The following SAMSN1 variants were observed in gnomAD, a reference collection of about 807,000 sequenced individuals.
SAMSN1 encodes the protein SAM domain-containing protein SAMSN-1.
Under a neutral mutation model 42.0 loss-of-function variants are expected in SAMSN1, and 31 were observed. That is an observed-to-expected ratio of 0.74 (90% CI 0.55 to 1.00). The LOEUF (loss-of-function observed/expected upper bound fraction) is 1.00. SAMSN1 is among the 50% of genes least tolerant of loss of function. SAMSN1 has a pLI of 0.00. For synonymous variants in SAMSN1, 178 were observed against 151.9 expected (o/e 1.17, Z -1.26); for missense variants, 464 against 439.4 (o/e 1.06, Z -0.50).
intron 2 of SAMSN1, among the ~76,000 whole-genome samples, chr21:14,576,996 G>T (rs1224984028): frequency 6.8e-6 from 1 of 147,362 alleles, no homozygotes; most frequent in Non-Finnish European, 1.5e-5. Flanking sequence ...TTAGAAATTT[G>T]AGAGGAGGAA....
upstream of SAMSN1, among the ~76,000 whole-genome samples, chr21:14,546,669 TA>T (rs35353684): frequency 0.51 from 73,769 of 145,708 alleles, 18,662 homozygotes; most frequent in East Asian, 0.78. Flanking sequence ...TTCTATTATT[TA>T]AAAAAAAAAA....
At chr21:14,577,236 GTGTA>G (rs1246032643) in intron 2 of SAMSN1, among the ~76,000 whole-genome samples, 1,243 of 30,820 alleles carry the variant, frequency 0.04, 94 homozygotes, top group East Asian at 0.068. Flanking sequence ...ATATATATGT[GTGTA>G]TATATATATA....
chr21:14,539,468 C>T (rs947928969), intron 1 of SAMSN1, among the ~76,000 whole-genome samples: 2 of 151,974 alleles, frequency 1.3e-5, no homozygotes, highest in Non-Finnish European at 2.9e-5. Context: ...AATCAGTGTG[C>T]GAAAATCACA....
chr21:14,487,060 G>A (rs1369022410), intron 7 of SAMSN1, among the ~76,000 whole-genome samples: 1 of 152,118 alleles, frequency 6.6e-6, no homozygotes, highest in African/African-American at 2.4e-5. Flanking sequence ...CTCAGGTACT[G>A]CCTCTTAGCT....
chr21:14,604,758 G>A (rs969600055), intron 5 of SAMSN1, among the ~76,000 whole-genome samples: 17 of 152,228 alleles, frequency 1.1e-4, no homozygotes, highest in Non-Finnish European at 2.2e-4. Flanking sequence ...CTGCCCGGCT[G>A]AGCCGGGCCT....
At chr21:14,577,048 CTTTTT>C (rs991163598) in intron 2 of SAMSN1, among the ~76,000 whole-genome samples, 4 of 54,918 alleles carry the variant, frequency 7.3e-5, no homozygotes, top group South Asian at 7.3e-4. Context: ...GCATCCGTTT[CTTTTT>C]TTTTTTTTTT....
intron 2 of SAMSN1, among the ~76,000 whole-genome samples, chr21:14,639,638 T>G (rs186339281): frequency 1.3e-5 from 2 of 152,280 alleles, no homozygotes; most frequent in Admixed American, 1.3e-4. Context: ...CTAATTCAAA[T>G]ACTTTGTGAG....
chr21:14,586,682 C>A (rs994625882), upstream of SAMSN1, among the ~76,000 whole-genome samples: 2 of 151,906 alleles, frequency 1.3e-5, no homozygotes, highest in East Asian at 1.9e-4. Flanking sequence ...AGTGAGGATG[C>A]AAAAAGAGGG....
intron 7 of SAMSN1, among the ~76,000 whole-genome samples, chr21:14,494,532 G>T (rs1485505439): frequency 2.0e-5 from 3 of 152,120 alleles, no homozygotes; most frequent in South Asian, 2.1e-4. Context: ...ACAGGGAGGG[G>T]AACATCACAC....
chr21:14,629,479 TGAA>T (rs1455036599), intron 2 of SAMSN1, among the ~76,000 whole-genome samples: 3 of 152,164 alleles, frequency 2.0e-5, no homozygotes, highest in Admixed American at 2.0e-4. Flanking sequence ...GAGAATAAAA[TGAA>T]GAAGGAAAAG....
intron 1 of SAMSN1, among the ~76,000 whole-genome samples, chr21:14,541,914 G>A (rs1447140236): frequency 2.0e-5 from 3 of 151,238 alleles, no homozygotes; most frequent in Non-Finnish European, 4.4e-5. Context: ...AGTCACATAA[G>A]CTCAGGCATG....
chr21:14,572,362 C>G (rs1981327494), intron 2 of SAMSN1, among the ~76,000 whole-genome samples: 3 of 152,142 alleles, frequency 2.0e-5, no homozygotes, highest in Admixed American at 1.3e-4. Context: ...GTTACACAGA[C>G]AGTAAATGGT....
intron 1 of SAMSN1, among the ~76,000 whole-genome samples, chr21:14,653,782 A>G (rs929477026): frequency 8.6e-5 from 13 of 151,872 alleles, no homozygotes; most frequent in Admixed American, 2.6e-4. Context: ...TATACCTACT[A>G]TGTACCTACA....
intron 2 of SAMSN1, among the ~76,000 whole-genome samples, chr21:14,580,628 G>T (rs1981674227): frequency 1.3e-5 from 2 of 152,202 alleles, no homozygotes; most frequent in Non-Finnish European, 2.9e-5. Context: ...AGTTTCATCA[G>T]TTCGAAGTCT....
intron 1 of SAMSN1, chr21:14,523,187 C>T (rs950887232): frequency 1.3e-5 from 2 of 152,156 alleles, no homozygotes; most frequent in East Asian, 1.9e-4. Flanking sequence ...CTCCTAGTCC[C>T]TAGAAGCTCT....
At chr21:14,658,158 A>C (rs555606558) in intron 1 of SAMSN1, among the ~76,000 whole-genome samples, 1 of 152,004 alleles carries the variant, frequency 6.6e-6, no homozygotes, top group East Asian at 1.9e-4. Flanking sequence ...GATAACTTTC[A>C]CTGATCCACT....
At chr21:14,525,244 T>C (rs1016932125) in intron 1 of SAMSN1, among the ~76,000 whole-genome samples, 4 of 152,112 alleles carry the variant, frequency 2.6e-5, no homozygotes, top group Non-Finnish European at 5.9e-5. Context: ...TAAATACAAC[T>C]AATGAGATAT....
At chr21:14,566,469 C>T (rs1981120531) in intron 2 of SAMSN1, among the ~76,000 whole-genome samples, 1 of 151,946 alleles carries the variant, frequency 6.6e-6, no homozygotes, top group Admixed American at 6.6e-5. Context: ...AAAATTACTG[C>T]ATTTTACAAA....
At chr21:14,533,530 A>G (rs1979399606) in intron 1 of SAMSN1, among the ~76,000 whole-genome samples, 1 of 152,182 alleles carries the variant, frequency 6.6e-6, no homozygotes. Context: ...AAGACAATAC[A>G]TTGGTCAAGT....
Sources: allele counts gnomAD v4.1 joint callset (sites outside exome capture counted in the v4.1 genomes callset), GRCh38; gene constraint gnomAD v4.1.1; transcripts MANE v1.5; gene names NCBI Gene and HGNC (gene_info 2026-07-23, HGNC 2026-07-21).